Variants in OR5P3 observed in about 807,000 individuals in gnomAD.
The protein encoded by OR5P3 is olfactory receptor family 5 subfamily P member 3, also known as olfactory receptor 5P3.
For missense variants in OR5P3, 415 were observed against 375.6 expected (o/e 1.10, Z -0.87); for synonymous variants, 172 against 141.8 (o/e 1.21, Z -1.51).
In OR5P3 at chr11:7,825,531, A is replaced by T; in HGVS notation, c.442T>A (p.Ser148Thr). 6.2e-7 allele frequency: 1 copy of T among 1,613,260 alleles called. No individual in the cohort carries two copies. Among genetic ancestry groups the T allele is most frequent in the Non-Finnish European group, 8.5e-7 (1 of 1,180,032 alleles). The change falls in exon 2 of 2, where the codon TCC (serine) becomes ACC (threonine). Residue 148 changes from serine (S) to threonine (T), a missense_variant. Physicochemically the swap from Ser to Thr is moderately conservative, Grantham distance 58 (BLOSUM62 1). Coordinates refer to ENST00000641167, the MANE Select transcript of OR5P3 (RefSeq NM_153445.2). The part of the protein sequence containing the change: ...PGVCIILVGM[S>T]YLGGCVNAWT... ...GCATTCACACATCCACCCAGGTAGG[A>T]CATGCCCACTAAGATGATGCAGACT...
At chr11:7,827,041 C>T (rs555941694) in intron 1 of OR5P3, among the ~76,000 whole-genome samples, 12 of 152,236 alleles carry the variant, frequency 7.9e-5, no homozygotes, top group African/African-American at 2.4e-4. Context: ...AAATTATAAA[C>T]GGAGATCTAA....
At chr11:7,826,130 C>G (rs575572994) in intron 1 of OR5P3, 137 bp from the exon 2 acceptor site, 41 of 572,188 alleles carry the variant, frequency 7.2e-5, no homozygotes, top group African/African-American at 5.4e-4. Context: ...CTTTCACACA[C>G]AGTATCTTAT....
Position 7,825,488 on chromosome 11 carries a change from C to G in OR5P3, c.485G>C (p.Cys162Ser), listed in dbSNP as rs370548279. Residue 162 changes from cysteine (C) to serine (S), a missense_variant, in exon 2 of 2, where the codon TGC becomes TCC. Coordinates refer to ENST00000641167, the MANE Select transcript of OR5P3 (RefSeq NM_153445.2). The part of the protein sequence containing the change: ...GCVNAWTFIG[C>S]LLRLSFCGPN... The stretch of plus-strand genomic sequence containing the variant: ...CCCACAGAAGGACAGTCTTAATAAG[C>G]AGCCAATGAATGTCCAAGCATTCAC... 6.8e-6 allele frequency: 11 copies of G among 1,613,178 alleles called. No individual in the cohort carries two copies. The highest frequency in any genetic ancestry group is 1.1e-5 in the South Asian group (1 of 91,084).
At chr11:7,827,669 A>C (rs529128590) in intron 1 of OR5P3, among the ~76,000 whole-genome samples, 76 of 152,292 alleles carry the variant, frequency 5.0e-4, no homozygotes, top group African/African-American at 1.7e-3. Context: ...CAGTGAAAAC[A>C]AGCAGGAAAA....
intron 1 of OR5P3, among the ~76,000 whole-genome samples, chr11:7,827,611 G>C (rs895114238): frequency 3.3e-5 from 5 of 152,092 alleles, no homozygotes; most frequent in African/African-American, 1.2e-4. Flanking sequence ...TCAACAAAAT[G>C]GTTCTAGCCT....
At chr11:7,827,595 G>A (rs915267588) in intron 1 of OR5P3, among the ~76,000 whole-genome samples, 1 of 152,118 alleles carries the variant, frequency 6.6e-6, no homozygotes, top group African/African-American at 2.4e-5. Context: ...CCTGAGATGG[G>A]TAAAATCAAC....
intron 1 of OR5P3, among the ~76,000 whole-genome samples, chr11:7,830,350 T>C (rs1239586078): frequency 6.6e-6 from 1 of 152,216 alleles, no homozygotes; most frequent in African/African-American, 2.4e-5. Flanking sequence ...TGCAATTACA[T>C]GTTTGAACTC....
rs745566969 is a variant in OR5P3, at chr11:7,825,516, A to G, written c.457T>C (p.Cys153Arg). 17 of 1,613,286 alleles carry G rather than the reference A, an allele frequency of 1.1e-5. No homozygotes were observed. In the Admixed American group the frequency reaches 2.7e-4, roughly 25 times the overall value. The change falls in exon 2 of 2, where the codon TGT (cysteine) becomes CGT (arginine). Residue 153 changes from cysteine (C) to arginine (R), a missense_variant. Physicochemically the swap from Cys to Arg is radical, Grantham distance 180. Coordinates refer to ENST00000641167, the MANE Select transcript of OR5P3 (RefSeq NM_153445.2). ...ILVGMSYLGGCVNAWTFIGCL... is the reference protein window; with the variant it reads ...ILVGMSYLGGRVNAWTFIGCL... The stretch of plus-strand genomic sequence containing the variant: ...CCAATGAATGTCCAAGCATTCACAC[A>G]TCCACCCAGGTAGGACATGCCCACT...
At position 7,825,479 on chromosome 11, in the gene OR5P3, C is replaced by A. The variant is rs1165611755; in HGVS notation, c.494G>T (p.Arg165Ile). Residue 165 changes from arginine to isoleucine, a missense_variant, in exon 2 of 2, where the codon AGA becomes ATA. Transcript: ENST00000641167. ...TTTATTTGGCCCACAGAAGGACAGT[C>A]TTAATAAGCAGCCAATGAATGTCCA... The part of the protein sequence containing the change: ...NAWTFIGCLL[R>I]LSFCGPNKVN... 2.5e-6 allele frequency: 4 copies of A among 1,613,272 alleles called. No individual in the cohort carries two copies. The highest frequency in any genetic ancestry group is 1.1e-5 in the South Asian group (1 of 91,086).
At chr11:7,826,458 A>C (rs1857743028) in intron 1 of OR5P3, among the ~76,000 whole-genome samples, 1 of 152,210 alleles carries the variant, frequency 6.6e-6, no homozygotes, top group Non-Finnish European at 1.5e-5. Context: ...CCGAATTCCA[A>C]ACAGAGGTCA....
At chr11:7,827,480 C>T (rs1193099285) in intron 1 of OR5P3, among the ~76,000 whole-genome samples, 2 of 151,990 alleles carry the variant, frequency 1.3e-5, no homozygotes, top group Non-Finnish European at 2.9e-5. Context: ...CTAAGATTTT[C>T]TTTTTTCTGA....
At position 7,824,907 on chromosome 11, in the gene OR5P3, G is replaced by T; in HGVS notation, c.*130C>A. On this transcript the variant is annotated 3_prime_UTR_variant, in exon 2 of 2. Transcript: ENST00000641167. ...ATTCTATCTGAAAATCTTCCCTCCT[G>T]ATTGACTAAAAAGCTCCACACTGGG... The T allele has an allele frequency of 1.8e-6, 1 of 551,496 alleles. No individual in the cohort carries two copies. Among genetic ancestry groups the T allele is most frequent in the Non-Finnish European group, 2.9e-6 (1 of 348,334 alleles). The allele number at this position is 551,496 out of a possible 1,614,324, so 34.2% of individuals were successfully genotyped here. A position where few individuals can be genotyped will look rare whatever the true frequency, so the allele number is the denominator to read the frequency against.
chr11:7,825,414 G>C lies in OR5P3; in HGVS notation c.559C>G (p.Leu187Val), dbSNP rs1458804353. 1 of 1,613,224 alleles carries C rather than the reference G, an allele frequency of 6.2e-7. No homozygotes were observed. Among genetic ancestry groups the C allele is most frequent in the Non-Finnish European group, 8.5e-7 (1 of 1,180,010 alleles). Reference protein sequence around the residue: ...FFCDYSPLLKLACSHDFTFEI... With the variant: ...FFCDYSPLLKVACSHDFTFEI... ...AAAGTAAAATCATGGGAACAAGCAA[G>C]CTTCAAAAGTGGTGAATAGTCACAG... Residue 187 changes from leucine (L) to valine (V), a missense_variant, in exon 2 of 2, where the codon CTT becomes GTT. Transcript: ENST00000641167.
Position 7,824,985 on chromosome 11 carries a change from T to C in OR5P3, c.*52A>G. ...ACCACAAACACTCGGTGTCTTATTA[T>C]TATTATATATAGAATATTAATATAT... On this transcript the variant is annotated 3_prime_UTR_variant, in exon 2 of 2. Coordinates refer to ENST00000641167, the MANE Select transcript of OR5P3 (RefSeq NM_153445.2). 1 of 1,319,306 alleles carries C rather than the reference T, an allele frequency of 7.6e-7. No individual in the cohort carries two copies. The highest frequency in any genetic ancestry group is 1.7e-5 in the South Asian group (1 of 60,542). 81.7% of individuals were successfully genotyped at this position (1,319,306 alleles called of 1,614,324 possible).
At chr11:7,827,650 T>A (rs1304922274) in intron 1 of OR5P3, among the ~76,000 whole-genome samples, 1 of 152,134 alleles carries the variant, frequency 6.6e-6, no homozygotes, top group African/African-American at 2.4e-5. Context: ...TTTGCTATAA[T>A]TATTCTACCA....
intron 1 of OR5P3, among the ~76,000 whole-genome samples, chr11:7,828,664 T>C (rs564349380): frequency 1.6e-4 from 24 of 152,038 alleles, no homozygotes; most frequent in Non-Finnish European, 2.6e-4. Flanking sequence ...GAAACACTAG[T>C]AGGTAAAATC....
intron 1 of OR5P3, among the ~76,000 whole-genome samples, chr11:7,827,580 G>T (rs1034684845): frequency 6.6e-6 from 1 of 152,150 alleles, no homozygotes; most frequent in Non-Finnish European, 1.5e-5. Flanking sequence ...AAGATGAAGT[G>T]AGTACCTGAG....
rs1277267004 is a variant in OR5P3 at position 7,825,887 on chromosome 11, A to G, written c.86T>C (p.Leu29Pro). The change falls in exon 2 of 2, where the codon CTT becomes CCT. Residue 29 changes from leucine to proline, a missense_variant. Coordinates refer to ENST00000641167, the MANE Select transcript of OR5P3 (RefSeq NM_153445.2). ...GACAACATAAATTCCTAGAAACACAAGAAATAAAATAGCACAAACTGTAGT... is the reference window on the plus strand; with the variant it reads ...GACAACATAAATTCCTAGAAACACAGGAAATAAAATAGCACAAACTGTAGT... ...EDTTVCAILF[L>P]VFLGIYVVTL... 4.3e-6 allele frequency: 7 copies of G among 1,609,614 alleles called. No homozygotes were observed. Among genetic ancestry groups the G allele is most frequent in the Non-Finnish European group, 5.9e-6 (7 of 1,177,034 alleles).
chr11:7,826,484 T>G (rs1169087686), intron 1 of OR5P3, among the ~76,000 whole-genome samples: 1 of 152,198 alleles, frequency 6.6e-6, no homozygotes, highest in East Asian at 1.9e-4. Context: ...ATTAGCTGCA[T>G]GCTAATCCAC....
Sources: gnomAD v4.1 joint callset for allele counts (sites outside exome capture counted in the v4.1 genomes callset) on GRCh38, gnomAD v4.1.1 for gene constraint, MANE v1.5 for transcripts, NCBI Gene and HGNC (gene_info 2026-07-23, HGNC 2026-07-21) for gene names.